Variants in USP12 observed in about 807,000 individuals in gnomAD.
USP12 encodes the protein ubiquitin specific peptidase 12.
In USP12, 19 loss-of-function variants were observed where a neutral mutation model predicts 45.5. That is an observed-to-expected ratio of 0.42 (90% CI 0.29 to 0.61). USP12 has a LOEUF of 0.61. Among genes scored for constraint, USP12 ranks in the 20% least tolerant of loss-of-function variants. USP12 has a pLI of 0.22. For missense variants in USP12, 242 were observed against 447.7 expected (o/e 0.54, Z 4.15); for synonymous variants, 149 against 148.8 (o/e 1.00, Z -0.01).
At chr13:27,111,415 G>T (rs1341165214) in intron 2 of USP12, among the ~76,000 whole-genome samples, 1 of 152,112 alleles carries the variant, frequency 6.6e-6, no homozygotes, top group Non-Finnish European at 1.5e-5. Context: ...CATTGCTTTA[G>T]TGCTGAAATC....
intron 1 of USP12, among the ~76,000 whole-genome samples, chr13:27,149,880 A>C (rs1170955244): frequency 6.6e-6 from 1 of 152,230 alleles, no homozygotes; most frequent in Non-Finnish European, 1.5e-5. Context: ...AACAGGGTTC[A>C]CACTCCTGAG....
rs1873117929 is a variant in USP12, at chr13:27,069,043, C to G, written c.*240G>C. 2.0e-6 allele frequency: 1 copy of G among 496,040 alleles called. No homozygotes were observed. Among genetic ancestry groups the G allele is most frequent in the South Asian group, 3.0e-5 (1 of 32,910 alleles). 30.7% of individuals were successfully genotyped at this position (496,040 alleles called of 1,614,324 possible). A position where few individuals can be genotyped will look rare whatever the true frequency, so the allele number is the denominator to read the frequency against. On this transcript the variant is annotated 3_prime_UTR_variant, in exon 9 of 9. Transcript: ENST00000282344. The stretch of plus-strand genomic sequence containing the variant: ...TGTTTTAAAAGAGGAGCTGGTATCT[C>G]TGATTTCACCTCCTTGTTGTATGGA...
chr13:27,117,871 C>A, intron 1 of USP12: 1 of 515,828 alleles, frequency 1.9e-6, no homozygotes, highest in Admixed American at 1.9e-5. Context: ...AGAAATGTGG[C>A]CCTGAGCACC....
At chr13:27,094,481 G>A (rs1185243156) in intron 4 of USP12, among the ~76,000 whole-genome samples, 1 of 152,058 alleles carries the variant, frequency 6.6e-6, no homozygotes, top group Non-Finnish European at 1.5e-5. Flanking sequence ...AAGCCTGGGC[G>A]ACAGAGCAAG....
At chr13:27,132,703 C>G (rs1331595807) in intron 1 of USP12, among the ~76,000 whole-genome samples, 2 of 152,176 alleles carry the variant, frequency 1.3e-5, no homozygotes, top group African/African-American at 4.8e-5. Flanking sequence ...GGCACGTTAA[C>G]AAGAAGAGCA....
chr13:27,169,522 A>G (rs180923128), intron 1 of USP12, among the ~76,000 whole-genome samples: 2 of 152,342 alleles, frequency 1.3e-5, no homozygotes, highest in Admixed American at 1.3e-4. Flanking sequence ...ATATGAATAC[A>G]GACACACCCA....
intron 1 of USP12, among the ~76,000 whole-genome samples, chr13:27,160,929 T>C (rs547201243): frequency 8.5e-5 from 13 of 152,172 alleles, no homozygotes; most frequent in Admixed American, 7.9e-4. Flanking sequence ...TCAGCTCTTC[T>C]TCCTGATGCT....
intron 2 of USP12, among the ~76,000 whole-genome samples, chr13:27,113,249 C>T (rs1875550229): frequency 6.6e-6 from 1 of 151,920 alleles, no homozygotes; most frequent in Admixed American, 6.6e-5. Flanking sequence ...AGAGCAAGAC[C>T]CTTTCTCAAA....
intron 1 of USP12, among the ~76,000 whole-genome samples, chr13:27,159,838 A>G (rs1225939579): frequency 6.6e-6 from 1 of 152,254 alleles, no homozygotes; most frequent in Non-Finnish European, 1.5e-5. Context: ...TAAAATGGCA[A>G]GAACATCACG....
chr13:27,075,635 C>G (rs1184545255), intron 6 of USP12, among the ~76,000 whole-genome samples: 4 of 152,114 alleles, frequency 2.6e-5, no homozygotes, highest in Non-Finnish European at 5.9e-5. Context: ...CTCAATATGG[C>G]TCCAAAACAG....
chr13:27,081,009 A>ATTTTTTTTTTTTTTTTTTTTTT (rs372527345), intron 6 of USP12, among the ~76,000 whole-genome samples: 1 of 114,622 alleles, frequency 8.7e-6, no homozygotes, highest in Non-Finnish European at 1.7e-5. Flanking sequence ...GGCTGAGGCA[A>ATTTTTTTTTTTTTTTTTTTTTT]TTTTTTTTTT....
chr13:27,130,755 CAGTG>C (rs1876463555), intron 1 of USP12, among the ~76,000 whole-genome samples: 1 of 152,188 alleles, frequency 6.6e-6, no homozygotes, highest in African/African-American at 2.4e-5. Flanking sequence ...GTGGTTTTTT[CAGTG>C]AGTCACTTGT....
intron 6 of USP12, chr13:27,077,539 T>C (rs1873546266): frequency 1.3e-5 from 2 of 152,176 alleles, no homozygotes; most frequent in Non-Finnish European, 2.9e-5. Flanking sequence ...ATATGAATCC[T>C]ATTTGCCAAA....
rs1453162728 is a variant in USP12 at position 27,079,125 on chromosome 13, C to T, written c.735-3737G>A. 2.0e-5 allele frequency among the ~76,000 whole-genome samples: 3 copies of T among 148,524 alleles called. No individual in the cohort carries two copies. In the South Asian group the frequency reaches 6.4e-4, roughly 32 times the overall value. ...TAAATGGATGATTATTATGAGACTA[C>T]AACATCCTCTCATTTTAGGTCCTGT... On this transcript the variant is annotated intron_variant, in intron 6 of 8. Transcript: ENST00000282344.
intron 4 of USP12, among the ~76,000 whole-genome samples, chr13:27,091,492 G>T (rs900756515): frequency 1.3e-5 from 2 of 152,196 alleles, no homozygotes; most frequent in African/African-American, 4.8e-5. Flanking sequence ...GTGCCAAGCG[G>T]TCATCAAGTA....
In USP12 at chr13:27,075,293, C is replaced by T. The variant is rs1180360742; in HGVS notation, c.830G>A (p.Arg277Gln). ...QLHRYTKLSYRVVFPLELRLF... is the reference protein window; with the variant it reads ...QLHRYTKLSYQVVFPLELRLF... Reference sequence around the variant, plus strand: ...ACGAAGTTCTAAAGGAAAAACTACCCGGTAAGAGAGTTTTGTATATCGATG... The same window carrying T: ...ACGAAGTTCTAAAGGAAAAACTACCTGGTAAGAGAGTTTTGTATATCGATG... Residue 277 changes from arginine (R) to glutamine (Q), a missense_variant, in exon 7 of 9, where the codon CGG becomes CAG. By Grantham distance (43) the Arg-to-Gln change is conservative. Around this residue, in one of 5 missense-constraint regions of USP12, gnomAD observed 94 missense variants for 168.3 expected, o/e 0.56. Coordinates refer to ENST00000282344, the MANE Select transcript of USP12 (RefSeq NM_182488.4). The T allele has an allele frequency of 1.2e-6, 2 of 1,613,994 alleles. No individual in the cohort carries two copies. Among genetic ancestry groups the T allele is most frequent in the Non-Finnish European group, 1.7e-6 (2 of 1,179,944 alleles).
At chr13:27,125,049 A>AT (rs1224128290) in intron 1 of USP12, among the ~76,000 whole-genome samples, 1 of 152,224 alleles carries the variant, frequency 6.6e-6, no homozygotes, top group African/African-American at 2.4e-5. Flanking sequence ...TGTGACACCC[A>AT]TTAGTGAGTG....
intron 3 of USP12, among the ~76,000 whole-genome samples, chr13:27,102,067 A>T (rs1874891203): frequency 6.6e-6 from 1 of 152,192 alleles, no homozygotes; most frequent in African/African-American, 2.4e-5. Flanking sequence ...GAAACAACTA[A>T]GATGATGACA....
At chr13:27,133,626 CAAAAAAA>C (rs11365356) in intron 1 of USP12, among the ~76,000 whole-genome samples, 2 of 103,424 alleles carry the variant, frequency 1.9e-5, no homozygotes, top group Non-Finnish European at 3.9e-5. Flanking sequence ...GACTCTGTCT[CAAAAAAA>C]AAAAAAAAAA....
Sources: gnomAD v4.1 joint callset for allele counts (sites outside exome capture counted in the v4.1 genomes callset) on GRCh38, gnomAD v4.1.1 for gene constraint, gnomAD v4.1.1 regional missense constraint, MANE v1.5 for transcripts, NCBI Gene and HGNC (gene_info 2026-07-23, HGNC 2026-07-21) for gene names.